The following ABLIM1 variants were observed in gnomAD, a reference collection of about 807,000 sequenced individuals.
ABLIM1 encodes the protein actin binding LIM protein 1, also known as actin-binding LIM protein 1.
A neutral mutation model predicts 107.0 loss-of-function variants in ABLIM1; 40 were observed. The observed-to-expected ratio is 0.37, with a 90% CI of 0.29 to 0.49. ABLIM1 has a LOEUF of 0.49. Ranked by LOEUF, ABLIM1 falls within the 20% of genes least tolerant of loss-of-function variation. The pLI is 0.97. For synonymous variants in ABLIM1, 357 were observed against 357.3 expected, an observed-to-expected ratio of 1.00 and a Z score of 0.01; for missense variants, 857 against 1,008.5, an observed-to-expected ratio of 0.85 and a Z score of 2.04.
At chr10:114,525,718 GCTGT>G (rs2136709564) in intron 6 of ABLIM1, among the ~76,000 whole-genome samples, 1 of 152,300 alleles carries the variant, frequency 6.6e-6, no homozygotes, top group Non-Finnish European at 1.5e-5. Flanking sequence ...TCCTTATGAG[GCTGT>G]CTGAGAGAAA....
intron 22 of ABLIM1, among the ~76,000 whole-genome samples, chr10:114,437,115 T>C (rs1365870360): frequency 6.6e-6 from 1 of 152,020 alleles, no homozygotes; most frequent in East Asian, 1.9e-4. Context: ...TATAAATGTC[T>C]CTCCTGAGAG....
intron 3 of ABLIM1, among the ~76,000 whole-genome samples, chr10:114,572,629 T>C (rs1385150946): frequency 1.3e-5 from 2 of 152,182 alleles, no homozygotes; most frequent in African/African-American, 2.4e-5. Flanking sequence ...GATCAAGCCA[T>C]AGGCAGGTGC....
In ABLIM1 at chr10:114,644,132, T is replaced by C. The variant is rs192410447; in HGVS notation, c.244+13825A>G. ...CCGTCTCTACTAAAAATACAAAAAA[T>C]TAGCTGGGCATGGTGGCGGGCACCT... On this transcript the variant is annotated intron_variant, in intron 1 of 22. Transcript: ENST00000533213. Among the ~76,000 whole-genome samples, 1,461 of 149,190 alleles carry C rather than the reference T, an allele frequency of 9.8e-3. 26 individuals are homozygous for C. Among genetic ancestry groups the C allele is most frequent in the African/African-American group, 0.035 (1,404 of 40,552 alleles).
chr10:114,486,647 A>C (rs2058229325), intron 8 of ABLIM1, among the ~76,000 whole-genome samples: 1 of 152,176 alleles, frequency 6.6e-6, no homozygotes, highest in Non-Finnish European at 1.5e-5. Flanking sequence ...AACCACCCTA[A>C]GCTTGATGGG....
intron 11 of ABLIM1, among the ~76,000 whole-genome samples, chr10:114,466,039 C>A (rs1291019222): frequency 1.3e-5 from 2 of 152,112 alleles, no homozygotes; most frequent in East Asian, 3.9e-4. Flanking sequence ...AGTACTTGGG[C>A]TTATTACAAA....
At chr10:114,445,490 G>T in intron 15 of ABLIM1, 87 bp from the exon 16 acceptor site, 1 of 1,169,864 alleles carries the variant, frequency 8.5e-7, no homozygotes, top group Non-Finnish European at 1.3e-6. Flanking sequence ...CAGTTTGTTA[G>T]GCTGGCAAGG....
chr10:114,461,877 A>G (rs2064012221), intron 12 of ABLIM1, among the ~76,000 whole-genome samples: 1 of 152,196 alleles, frequency 6.6e-6, no homozygotes, highest in Non-Finnish European at 1.5e-5. Context: ...AGAGTTTTAG[A>G]GAGTGTTGCA....
At chr10:114,457,416 T>C (rs1028556614) in intron 12 of ABLIM1, among the ~76,000 whole-genome samples, 2 of 152,048 alleles carry the variant, frequency 1.3e-5, no homozygotes, top group Non-Finnish European at 2.9e-5. Context: ...ATTACAGACA[T>C]GCGCCACCAC....
chr10:114,665,951 T>TA (rs2141315854), intron 1 of ABLIM1, among the ~76,000 whole-genome samples: 1 of 152,346 alleles, frequency 6.6e-6, no homozygotes, highest in East Asian at 1.9e-4. Flanking sequence ...AGTTCACAGT[T>TA]ATAGAAGGTT....
At chr10:114,693,583 A>G (rs2081131380) in intron 1 of ABLIM1, among the ~76,000 whole-genome samples, 1 of 152,204 alleles carries the variant, frequency 6.6e-6, no homozygotes, top group Non-Finnish European at 1.5e-5. Context: ...ATATAAGCGC[A>G]GGCTTGCAGG....
intron 1 of ABLIM1, among the ~76,000 whole-genome samples, chr10:114,728,736 AT>A (rs1219028078): frequency 6.6e-6 from 1 of 152,120 alleles, no homozygotes; most frequent in Non-Finnish European, 1.5e-5. Context: ...AGAACACCAA[AT>A]TCAATTACCT....
chr10:114,465,016 G>A (rs2064847908), intron 12 of ABLIM1, among the ~76,000 whole-genome samples: 1 of 152,190 alleles, frequency 6.6e-6, no homozygotes, highest in South Asian at 2.1e-4. Context: ...CTCTGCAGAT[G>A]AAGGTCCACT....
intron 11 of ABLIM1, among the ~76,000 whole-genome samples, chr10:114,466,100 G>A (rs1167323999): frequency 6.6e-6 from 1 of 152,110 alleles, no homozygotes; most frequent in African/African-American, 2.4e-5. Flanking sequence ...AGCACTTTGG[G>A]GGGCCAAGGT....
At chr10:114,642,935 C>T (rs149336204) in intron 1 of ABLIM1, among the ~76,000 whole-genome samples, 176 of 152,218 alleles carry the variant, frequency 1.2e-3, no homozygotes, top group Non-Finnish European at 2.0e-3. Context: ...CCAAAATGTC[C>T]GAGAACCTGC....
At chr10:114,512,977 C>A (rs1250772971) in intron 6 of ABLIM1, among the ~76,000 whole-genome samples, 1 of 151,798 alleles carries the variant, frequency 6.6e-6, no homozygotes, top group Non-Finnish European at 1.5e-5. Flanking sequence ...ACTTATATAC[C>A]AAAACTCGAG....
At chr10:114,710,749 C>T (rs1055458802) in intron 1 of ABLIM1, among the ~76,000 whole-genome samples, 1 of 152,054 alleles carries the variant, frequency 6.6e-6, no homozygotes, top group Non-Finnish European at 1.5e-5. Context: ...CCACTGCACT[C>T]CAGCCTGGGC....
At chr10:114,574,394 A>G (rs1167680550) in intron 3 of ABLIM1, among the ~76,000 whole-genome samples, 1 of 151,870 alleles carries the variant, frequency 6.6e-6, no homozygotes, top group African/African-American at 2.4e-5. Flanking sequence ...TCCCACTCAC[A>G]CTTCACATAG....
chr10:114,572,628 A>G (rs1022764936), intron 3 of ABLIM1, among the ~76,000 whole-genome samples: 3 of 152,238 alleles, frequency 2.0e-5, no homozygotes, highest in Admixed American at 2.0e-4. Flanking sequence ...AGATCAAGCC[A>G]TAGGCAGGTG....
At chr10:114,599,843 G>A (rs766160642) in intron 2 of ABLIM1, among the ~76,000 whole-genome samples, 1 of 151,634 alleles carries the variant, frequency 6.6e-6, no homozygotes, top group Middle Eastern at 3.2e-3. Flanking sequence ...AAAAATATAT[G>A]TGGCTGCAGT....
Sources: allele counts gnomAD v4.1 joint callset (sites outside exome capture counted in the v4.1 genomes callset), GRCh38; gene constraint gnomAD v4.1.1; transcripts MANE v1.5; gene names NCBI Gene and HGNC (gene_info 2026-07-23, HGNC 2026-07-21).